CAPZA2: variants seen among roughly 807,000 people sequenced by gnomAD.
CAPZA2 encodes the protein F-actin-capping protein subunit alpha-2.
Under a neutral mutation model 44.0 loss-of-function variants are expected in CAPZA2, and 13 were observed. The observed-to-expected ratio is 0.30, with a 90% CI of 0.19 to 0.47. The LOEUF is 0.47. Ranked by LOEUF, CAPZA2 falls within the 20% of genes least tolerant of loss-of-function variation. CAPZA2 has a pLI of 1.00. For missense variants in CAPZA2, 244 were observed against 338.6 expected (o/e 0.72, Z 2.19); for synonymous variants, 94 against 108.2 (o/e 0.87, Z 0.81).
intron 4 of CAPZA2, among the ~76,000 whole-genome samples, chr7:116,901,536 G>C (rs1393967098): frequency 2.0e-5 from 3 of 152,006 alleles, no homozygotes; most frequent in Non-Finnish European, 4.4e-5. Flanking sequence ...AGGAGGGAGA[G>C]GATCAGGAAA....
chr7:116,871,680 C>T (rs1005689242), intron 1 of CAPZA2, among the ~76,000 whole-genome samples: 2 of 152,218 alleles, frequency 1.3e-5, no homozygotes, highest in African/African-American at 4.8e-5. Context: ...TTTGGATAAC[C>T]AGACTCAAGG....
chr7:116,906,257 A>T lies in CAPZA2; in HGVS notation c.427-6A>T. On this transcript the variant is annotated splice_region_variant and splice_polypyrimidine_tract_variant and intron_variant, in intron 5 of 9. Transcript: ENST00000361183. Reference sequence around the variant, plus strand: ...CATTCTTATGCTTATTTTCTTTGCCAATAAGGTGTATGGCAAAAAAATAGA... The same window carrying T: ...CATTCTTATGCTTATTTTCTTTGCCTATAAGGTGTATGGCAAAAAAATAGA... 6.2e-7 allele frequency: 1 copy of T among 1,610,982 alleles called. No homozygotes were observed. Among genetic ancestry groups the T allele is most frequent in the Non-Finnish European group, 8.5e-7 (1 of 1,179,376 alleles).
chr7:116,911,955 G>C, intron 7 of CAPZA2, 114 bp from the exon 8 acceptor site: 1 of 1,527,502 alleles, frequency 6.5e-7, no homozygotes, highest in Non-Finnish European at 8.8e-7. Flanking sequence ...GCTCAGCAGA[G>C]AAGTCTAGAC....
intron 1 of CAPZA2, among the ~76,000 whole-genome samples, chr7:116,870,131 C>T (rs1359505541): frequency 1.3e-5 from 2 of 152,096 alleles, no homozygotes; most frequent in African/African-American, 4.8e-5. Context: ...GTAATGACAG[C>T]ATAGATTAAG....
chr7:116,901,047 T>G (rs965629505), intron 4 of CAPZA2, among the ~76,000 whole-genome samples: 5 of 152,114 alleles, frequency 3.3e-5, no homozygotes, highest in African/African-American at 7.2e-5. Context: ...AAAGGAATGC[T>G]TATACACTGT....
Position 116,892,996 on chromosome 7 carries a change from G to A in CAPZA2, c.106G>A (p.Val36Ile). Residue 36 changes from valine to isoleucine, a missense_variant and splice_region_variant, in exon 3 of 10, where the codon GTT becomes ATT. By Grantham distance (29) the Val-to-Ile change is conservative. Coordinates refer to ENST00000361183, the MANE Select transcript of CAPZA2 (RefSeq NM_006136.3). ...TAGATAACATAATTGTTTTGCAGATGTTCGGTTACTGCTTAATAATGACAA... is the reference window on the plus strand; with the variant it reads ...TAGATAACATAATTGTTTTGCAGATATTCGGTTACTGCTTAATAATGACAA... ...PGEFNEVFND[V>I]RLLLNNDNLL... The A allele has an allele frequency of 1.3e-6, 2 of 1,592,372 alleles. No individual in the cohort carries two copies. The highest frequency in any genetic ancestry group is 1.7e-6 in the Non-Finnish European group (2 of 1,164,496).
At position 116,918,082 on chromosome 7, in the gene CAPZA2, G is replaced by C. The variant is rs1170881882; in HGVS notation, c.*215G>C. On this transcript the variant is annotated 3_prime_UTR_variant, in exon 10 of 10. Transcript: ENST00000361183. Reference sequence around the variant, plus strand: ...GATTGAAAATCAGTTTAGTTTAAATGTCTTTCTGTTAGGCCTTTCTTTCTT... The same window carrying C: ...GATTGAAAATCAGTTTAGTTTAAATCTCTTTCTGTTAGGCCTTTCTTTCTT... The C allele has an allele frequency of 6.9e-6, 3 of 434,096 alleles. No homozygotes were observed. Among genetic ancestry groups the C allele is most frequent in the Admixed American group, 3.7e-5 (1 of 27,280 alleles). The allele number at this position is 434,096 out of a possible 1,614,324, so 26.9% of individuals were successfully genotyped here. A position where few individuals can be genotyped will look rare whatever the true frequency, so the allele number is the denominator to read the frequency against.
Position 116,910,293 on chromosome 7 carries a change from T to A in CAPZA2, c.567T>A (p.Val189=), listed in dbSNP as rs147149000. The A allele has an allele frequency of 1.5e-5, 24 of 1,577,210 alleles. No homozygotes were observed. In the African/African-American group the frequency reaches 3.2e-4, roughly 21 times the overall value. ...TCACTCCTTCAACCACTCAAGTGGTTGGCATCTTGAAAATTCAGGTATGAA... is the reference window on the plus strand; with the variant it reads ...TCACTCCTTCAACCACTCAAGTGGTAGGCATCTTGAAAATTCAGGTATGAA... ...FTITPSTTQV[V]GILKIQVHYY... Residue 189 remains valine, a synonymous_variant, in exon 7 of 10, where the codon GTT becomes GTA. Coordinates refer to ENST00000361183, the MANE Select transcript of CAPZA2 (RefSeq NM_006136.3).
intron 8 of CAPZA2, chr7:116,915,819 C>T: frequency 3.7e-6 from 1 of 272,024 alleles, no homozygotes; most frequent in East Asian, 9.7e-5. Context: ...ATGTGTGTAT[C>T]ATTGAGATTT....
intron 3 of CAPZA2, among the ~76,000 whole-genome samples, chr7:116,896,848 T>G (rs1796934691): frequency 6.6e-6 from 1 of 152,084 alleles, no homozygotes; most frequent in African/African-American, 2.4e-5. Flanking sequence ...CTGAAGACAC[T>G]TGAATTTATC....
chr7:116,900,377 A>G (rs900921260), intron 4 of CAPZA2, among the ~76,000 whole-genome samples: 2 of 151,622 alleles, frequency 1.3e-5, no homozygotes, highest in Non-Finnish European at 2.9e-5. Flanking sequence ...AGGAATACCA[A>G]GAGATTCTAA....
In CAPZA2 at chr7:116,890,509, T is replaced by TAAA. The variant is rs1159101707; in HGVS notation, c.103+2334_103+2336dup. ...AACATGGTGAAACCCTGTCTCTACT[T>TAAA]AAAAAAAAAAAAAAAAATATATATA... is the stretch of plus-strand genomic sequence containing the variant. On this transcript the variant is annotated intron_variant, in intron 2 of 9. Coordinates refer to ENST00000361183, the MANE Select transcript of CAPZA2 (RefSeq NM_006136.3). 2.4e-4 allele frequency among the ~76,000 whole-genome samples: 7 copies of TAAA among 29,238 alleles called. 1 individual carries two copies. Among genetic ancestry groups the TAAA allele is most frequent in the African/African-American group, 1.1e-3 (5 of 4,732 alleles). 19.2% of individuals were successfully genotyped at this position (29,238 alleles called of 152,430 possible).
chr7:116,871,632 C>T (rs973684274), intron 1 of CAPZA2, among the ~76,000 whole-genome samples: 2 of 152,304 alleles, frequency 1.3e-5, no homozygotes, highest in African/African-American at 2.4e-5. Context: ...TTTCCAGAAA[C>T]GGCATTTCAG....
At chr7:116,890,439 GC>G (rs1423213547) in intron 2 of CAPZA2, among the ~76,000 whole-genome samples, 2 of 147,432 alleles carry the variant, frequency 1.4e-5, no homozygotes, top group African/African-American at 5.0e-5. Context: ...GGGAGGCCAA[GC>G]CCGGTGGATC....
In CAPZA2 at chr7:116,904,368, G is replaced by A. The variant is rs1197699231; in HGVS notation, c.411G>A (p.Pro137=). The change falls in exon 5 of 10, where the codon CCG becomes CCA. Residue 137 remains proline, a synonymous_variant. Transcript: ENST00000361183. ...ALRAYVKEHY[P]NGVCTVYGKK... is the part of the protein sequence containing the mutation. The stretch of plus-strand genomic sequence containing the variant: ...GAGCTTACGTAAAAGAACATTACCC[G>A]AATGGAGTCTGCACTGTAAGTCATC... The A allele has an allele frequency of 1.2e-5, 19 of 1,610,298 alleles. No homozygotes were observed. Among genetic ancestry groups the A allele is most frequent in the Middle Eastern group, 1.6e-4 (1 of 6,078 alleles).
rs71148342 is a variant in CAPZA2 at position 116,903,233 on chromosome 7, AGTGTGTGTGT to A, written c.220-915_220-906del. 9.2e-4 allele frequency among the ~76,000 whole-genome samples: 134 copies of A among 146,438 alleles called. 1 individual carries two copies. The Middle Eastern group carries it at 0.014, about 16-fold the overall frequency. ...TTGAAAGAAGCCAGATGCAGAGAAGAGTGTGTGTGTGTGTGTGTGTGTGTGTGTGTGTGTG... is the reference window on the plus strand; with the variant it reads ...TTGAAAGAAGCCAGATGCAGAGAAGAGTGTGTGTGTGTGTGTGTGTGTGTG... On this transcript the variant is annotated intron_variant, in intron 4 of 9. Transcript: ENST00000361183.
At position 116,921,342 on chromosome 7, in the gene CAPZA2, A is replaced by G. The variant is rs1219010934; in HGVS notation, c.*3475A>G. On this transcript the variant is annotated 3_prime_UTR_variant, in exon 10 of 10. Transcript: ENST00000361183. Reference sequence around the variant, plus strand: ...GGTTGCAGTGAGCCGAGATTGTGCCACTGCACTCCAGGCTGGCGACAGAGC... The same window carrying G: ...GGTTGCAGTGAGCCGAGATTGTGCCGCTGCACTCCAGGCTGGCGACAGAGC... 6.7e-6 allele frequency: 1 copy of G among 148,920 alleles called. No individual in the cohort carries two copies. Among genetic ancestry groups the G allele is most frequent in the East Asian group, 2.0e-4 (1 of 4,990 alleles). The allele number at this position is 148,920 out of a possible 1,614,324, so 9.2% of individuals were successfully genotyped here.
At chr7:116,891,954 A>T (rs1175588675) in intron 2 of CAPZA2, among the ~76,000 whole-genome samples, 16 of 152,244 alleles carry the variant, frequency 1.1e-4, no homozygotes, top group Admixed American at 1.0e-3. Context: ...AAAAGAATCT[A>T]AACTTCACAA....
At chr7:116,899,070 A>T (rs904498090) in intron 4 of CAPZA2, among the ~76,000 whole-genome samples, 1 of 152,072 alleles carries the variant, frequency 6.6e-6, no homozygotes, top group Non-Finnish European at 1.5e-5. Context: ...GTAAATGATT[A>T]CTGTAAATCT....
Sources: gnomAD v4.1 joint callset for allele counts (sites outside exome capture counted in the v4.1 genomes callset) on GRCh38, gnomAD v4.1.1 for gene constraint, MANE v1.5 for transcripts, NCBI Gene and HGNC (gene_info 2026-07-23, HGNC 2026-07-21) for gene names.